The following ROBO1 variants were observed in gnomAD, a reference collection of about 807,000 sequenced individuals.
ROBO1 encodes roundabout guidance receptor 1, also known as roundabout homolog 1.
ROBO1 carries 149 observed loss-of-function variants against 195.9 expected under a neutral mutation model. The observed-to-expected ratio is 0.76, with a 90% CI of 0.67 to 0.87. ROBO1 has a LOEUF of 0.87. ROBO1 is among the 40% of genes least tolerant of loss of function. The pLI, the probability that ROBO1 is intolerant of heterozygous loss-of-function variation, is 0.00. For missense variants in ROBO1, 1,933 were observed against 2,068.3 expected (o/e 0.93, Z 1.27); for synonymous variants, 816 against 733.2 (o/e 1.11, Z -1.82).
chr3:79,098,214 C>T (rs1405021990), intron 3 of ROBO1, among the ~76,000 whole-genome samples: 1 of 151,840 alleles, frequency 6.6e-6, no homozygotes, highest in East Asian at 1.9e-4. Context: ...TCATTGTGGA[C>T]AGATCAATAT....
At chr3:78,776,298 C>T (rs996422727) in intron 4 of ROBO1, among the ~76,000 whole-genome samples, 2 of 152,158 alleles carry the variant, frequency 1.3e-5, no homozygotes, top group African/African-American at 4.8e-5. Flanking sequence ...TTCACCCAGG[C>T]TGGAGTGCAA....
At chr3:78,630,630 G>A (rs923590524) in intron 25 of ROBO1, among the ~76,000 whole-genome samples, 1 of 152,186 alleles carries the variant, frequency 6.6e-6, no homozygotes, top group African/African-American at 2.4e-5. Context: ...ATTCTGGAGT[G>A]AGAAAGAGGT....
chr3:79,388,076 AC>A (rs1318758217), intron 2 of ROBO1, among the ~76,000 whole-genome samples: 61 of 152,290 alleles, frequency 4.0e-4, no homozygotes, highest in African/African-American at 1.4e-3. Flanking sequence ...CTATTAAAAG[AC>A]TATTATCAAT....
chr3:79,156,534 G>T (rs751714254), intron 2 of ROBO1, among the ~76,000 whole-genome samples: 1 of 151,712 alleles, frequency 6.6e-6, no homozygotes, highest in Non-Finnish European at 1.5e-5. Context: ...TTTCACTTCA[G>T]TTAGTACAAT....
At chr3:79,180,921 G>C (rs1248914448) in intron 2 of ROBO1, among the ~76,000 whole-genome samples, 1 of 152,138 alleles carries the variant, frequency 6.6e-6, no homozygotes, top group Non-Finnish European at 1.5e-5. Flanking sequence ...CATCTTGAAG[G>C]AGCCAACATC....
chr3:78,635,008 T>A (rs962563053), intron 23 of ROBO1, among the ~76,000 whole-genome samples: 7 of 152,160 alleles, frequency 4.6e-5, no homozygotes, highest in African/African-American at 1.7e-4. Flanking sequence ...CCCCCATCTA[T>A]TCACATTAGA....
intron 1 of ROBO1, among the ~76,000 whole-genome samples, chr3:79,674,508 A>C (rs1238902315): frequency 6.6e-6 from 1 of 151,986 alleles, no homozygotes; most frequent in African/African-American, 2.4e-5. Flanking sequence ...ATACTTATAC[A>C]GTACTGAGGT....
intron 2 of ROBO1, among the ~76,000 whole-genome samples, chr3:79,576,059 CT>C (rs1943475318): frequency 6.6e-6 from 1 of 151,886 alleles, no homozygotes. Flanking sequence ...CATATTATGA[CT>C]TCTCTATACA....
At chr3:78,934,280 T>C (rs1204777922) in intron 4 of ROBO1, among the ~76,000 whole-genome samples, 1 of 151,962 alleles carries the variant, frequency 6.6e-6, no homozygotes, top group Non-Finnish European at 1.5e-5. Context: ...ATTTTTGGAA[T>C]GAAGAGCCAG....
At chr3:78,607,134 G>T in intron 28 of ROBO1, 93 bp from the exon 29 acceptor site, 1 of 1,204,242 alleles carries the variant, frequency 8.3e-7, no homozygotes, top group Non-Finnish European at 1.2e-6. Context: ...ATTCACCTAC[G>T]AGATACTATA....
intron 2 of ROBO1, among the ~76,000 whole-genome samples, chr3:79,486,142 C>G (rs1244057348): frequency 6.6e-6 from 1 of 152,088 alleles, no homozygotes; most frequent in African/African-American, 2.4e-5. Flanking sequence ...AATAAAAGCT[C>G]TCAGAAGAGT....
At chr3:79,446,490 A>C (rs2039260722) in intron 2 of ROBO1, among the ~76,000 whole-genome samples, 1 of 152,200 alleles carries the variant, frequency 6.6e-6, no homozygotes, top group Non-Finnish European at 1.5e-5. Context: ...ATCATGCTGC[A>C]ATTAGTGTTG....
intron 4 of ROBO1, among the ~76,000 whole-genome samples, chr3:78,840,402 A>T (rs558172105): frequency 5.9e-5 from 9 of 152,292 alleles, no homozygotes; most frequent in African/African-American, 1.4e-4. Flanking sequence ...TAATATTTTT[A>T]AAATAATTAA....
rs7618575 is a variant in ROBO1 at position 79,329,788 on chromosome 3, G to T, written c.89-204249C>A. ...TATTGTCTAGTAAATCTCAAGCAAC[G>T]TATTAATACTTTACCTGTAATATTT... On this transcript the variant is annotated intron_variant, in intron 2 of 30. Transcript: ENST00000464233. 2.6e-5 allele frequency among the ~76,000 whole-genome samples: 4 copies of T among 152,030 alleles called. No individual in the cohort carries two copies. The East Asian group carries it at 7.7e-4, about 29-fold the overall frequency.
At chr3:78,740,213 A>G (rs886137179) in intron 5 of ROBO1, among the ~76,000 whole-genome samples, 2 of 152,262 alleles carry the variant, frequency 1.3e-5, no homozygotes, top group Admixed American at 6.5e-5. Flanking sequence ...ATTGACAAGT[A>G]TAAGTGTACC....
chr3:79,474,302 G>T (rs916995451), intron 2 of ROBO1, among the ~76,000 whole-genome samples: 1 of 152,102 alleles, frequency 6.6e-6, no homozygotes, highest in African/African-American at 2.4e-5. Context: ...CAACAAGTCA[G>T]ACATCATAAA....
At chr3:78,767,991 C>T (rs1352721960) in intron 4 of ROBO1, among the ~76,000 whole-genome samples, 1 of 151,992 alleles carries the variant, frequency 6.6e-6, no homozygotes, top group Non-Finnish European at 1.5e-5. Flanking sequence ...TCTTGTTTCT[C>T]TAGTTCCTTG....
intron 8 of ROBO1, among the ~76,000 whole-genome samples, chr3:78,692,345 C>A (rs1219913899): frequency 6.6e-6 from 1 of 152,054 alleles, no homozygotes; most frequent in Non-Finnish European, 1.5e-5. Context: ...TCATGGCTCA[C>A]TGCAACCTCT....
chr3:78,926,100 A>C (rs1310863947), intron 4 of ROBO1, among the ~76,000 whole-genome samples: 2 of 151,806 alleles, frequency 1.3e-5, no homozygotes, highest in Non-Finnish European at 2.9e-5. Flanking sequence ...CAAACTCCTG[A>C]CCTCATGATC....
Sources: allele counts gnomAD v4.1 joint callset (sites outside exome capture counted in the v4.1 genomes callset), GRCh38; gene constraint gnomAD v4.1.1; transcripts MANE v1.5; gene names NCBI Gene and HGNC (gene_info 2026-07-23, HGNC 2026-07-21).